PRKCB: variants seen among roughly 807,000 people sequenced by gnomAD.
The protein encoded by PRKCB is protein kinase C beta type.
Under a neutral mutation model 81.5 loss-of-function variants are expected in PRKCB, and 13 were observed. The observed-to-expected ratio is 0.16, with a 90% CI of 0.10 to 0.25. The LOEUF (loss-of-function observed/expected upper bound fraction) is 0.25, where lower values mean the gene tolerates loss of function less well. PRKCB is among the 10% of genes least tolerant of loss of function. The pLI is 1.00. For missense variants in PRKCB, 509 were observed against 875.7 expected, an observed-to-expected ratio of 0.58 and a Z score of 5.29; for synonymous variants, 335 against 321.4, an observed-to-expected ratio of 1.04 and a Z score of -0.45.
At chr16:24,035,872 CTCTTTTT>C (rs1197218153) in intron 5 of PRKCB, among the ~76,000 whole-genome samples, 3 of 152,204 alleles carry the variant, frequency 2.0e-5, no homozygotes, top group Non-Finnish European at 4.4e-5. Flanking sequence ...TCATTTCCCA[CTCTTTTT>C]TAGTAATCTT....
chr16:23,925,278 C>T (rs1039864022), intron 2 of PRKCB, among the ~76,000 whole-genome samples: 3 of 152,038 alleles, frequency 2.0e-5, no homozygotes, highest in Non-Finnish European at 4.4e-5. Flanking sequence ...CAATGGGGTC[C>T]CCATCCTCTG....
chr16:24,078,031 T>C (rs1966202808), intron 5 of PRKCB, among the ~76,000 whole-genome samples: 1 of 152,246 alleles, frequency 6.6e-6, no homozygotes, highest in South Asian at 2.1e-4. Flanking sequence ...CTTAACGTTC[T>C]CACTGAGCAG....
intron 16 of PRKCB, among the ~76,000 whole-genome samples, chr16:24,195,708 G>T (rs116094088): frequency 1.0e-3 from 157 of 152,280 alleles, no homozygotes; most frequent in African/African-American, 3.8e-3. Context: ...TCGCCTGGTT[G>T]TGTGTTGCTT....
chr16:24,150,256 G>A (rs572703915), intron 9 of PRKCB, among the ~76,000 whole-genome samples: 2 of 152,238 alleles, frequency 1.3e-5, no homozygotes, highest in East Asian at 3.9e-4. Flanking sequence ...GCTTGAACTC[G>A]GGAGGAGGTG....
chr16:24,067,707 C>T (rs1294162270), intron 5 of PRKCB, among the ~76,000 whole-genome samples: 2 of 152,064 alleles, frequency 1.3e-5, no homozygotes, highest in African/African-American at 4.8e-5. Context: ...TGGCTCATGC[C>T]TGTAATCTCA....
intron 2 of PRKCB, among the ~76,000 whole-genome samples, chr16:23,849,396 G>C (rs1171533346): frequency 6.6e-6 from 1 of 152,142 alleles, no homozygotes; most frequent in Non-Finnish European, 1.5e-5. Flanking sequence ...GATTTTTGTG[G>C]GATGGCCCTA....
intron 2 of PRKCB, among the ~76,000 whole-genome samples, chr16:23,900,718 G>GTTTTTTTTTTTTTTTTTTTTTTTTT (rs56897816): frequency 1.6e-5 from 1 of 62,266 alleles, no homozygotes; most frequent in African/African-American, 7.0e-5. Flanking sequence ...AGCTGCACAG[G>GTTTTTTTTTTTTTTTTTTTTTTTTT]TTTTTTTTTT....
intron 5 of PRKCB, among the ~76,000 whole-genome samples, chr16:24,037,145 C>T (rs1229826908): frequency 3.3e-5 from 5 of 152,092 alleles, no homozygotes; most frequent in Admixed American, 2.0e-4. Flanking sequence ...CCCACCACCA[C>T]GCCTGGCTAA....
At chr16:24,146,103 C>G (rs1966985029) in intron 9 of PRKCB, among the ~76,000 whole-genome samples, 1 of 152,060 alleles carries the variant, frequency 6.6e-6, no homozygotes, top group Non-Finnish European at 1.5e-5. Flanking sequence ...CGCTTAAAAG[C>G]CAGGGAGTGC....
intron 5 of PRKCB, among the ~76,000 whole-genome samples, chr16:24,080,202 G>A (rs187405079): frequency 8.0e-4 from 122 of 152,306 alleles, no homozygotes; most frequent in African/African-American, 2.7e-3. Flanking sequence ...TGAGTGGCCA[G>A]GGAGCAATCA....
chr16:23,870,107 G>A (rs7405331), intron 2 of PRKCB, among the ~76,000 whole-genome samples: 64,003 of 151,836 alleles, frequency 0.42, 13,812 homozygotes, highest in South Asian at 0.64. Context: ...TTGAAATATC[G>A]TCTCTCTATG....
intron 9 of PRKCB, among the ~76,000 whole-genome samples, chr16:24,129,533 A>ATCTC (rs1468710820): frequency 6.6e-6 from 1 of 151,844 alleles, no homozygotes; most frequent in African/African-American, 2.4e-5. Context: ...CTATCTATCT[A>ATCTC]TCTATCTATC....
At chr16:23,933,931 C>CCATT (rs1964019806) in intron 2 of PRKCB, among the ~76,000 whole-genome samples, 4 of 1,096 alleles carry the variant, frequency 3.6e-3, no homozygotes, top group African/African-American at 0.014. Flanking sequence ...TTCCATTCAT[C>CCATT]CATCCATCCA....
chr16:24,153,946 A>G (rs979526289), intron 9 of PRKCB, among the ~76,000 whole-genome samples: 7 of 152,218 alleles, frequency 4.6e-5, no homozygotes, highest in African/African-American at 1.7e-4. Context: ...AAGTGCCCTA[A>G]TTTTAGTTTT....
chr16:24,110,886 A>T (rs1045468897), intron 7 of PRKCB, among the ~76,000 whole-genome samples: 2 of 152,186 alleles, frequency 1.3e-5, no homozygotes, highest in African/African-American at 4.8e-5. Flanking sequence ...AACAAGTGAT[A>T]TTGAATTTCC....
At chr16:24,120,951 C>A (rs777419284) in intron 8 of PRKCB, among the ~76,000 whole-genome samples, 1 of 152,148 alleles carries the variant, frequency 6.6e-6, no homozygotes, top group Non-Finnish European at 1.5e-5. Context: ...ACTCAGCCCA[C>A]GTGCTGGGGG....
chr16:23,864,505 C>T (rs1022433843), intron 2 of PRKCB, among the ~76,000 whole-genome samples: 12 of 152,140 alleles, frequency 7.9e-5, no homozygotes, highest in African/African-American at 2.9e-4. Flanking sequence ...CTCATGTAAC[C>T]TACAGATAAT....
In PRKCB at chr16:24,216,172, C is replaced by T. The variant is rs1429081515; in HGVS notation, c.*1356C>T. ...GGAGGGGCGGGGGCTGTGGCCCATT[C>T]AGGGGCTGCTGGTGGGCTGTAGTGG... On this transcript the variant is annotated 3_prime_UTR_variant, in exon 17 of 17. Coordinates refer to ENST00000643927, the MANE Select transcript of PRKCB (RefSeq NM_002738.7). 1 of 985,352 alleles carries T rather than the reference C, an allele frequency of 1.0e-6. No individual in the cohort carries two copies. The highest frequency in any genetic ancestry group is 6.2e-5 in the Admixed American group (1 of 16,256). The allele number at this position is 985,352 out of a possible 1,614,324, so 61.0% of individuals were successfully genotyped here.
At chr16:23,921,912 G>A (rs10221006) in intron 2 of PRKCB, among the ~76,000 whole-genome samples, 61,996 of 151,976 alleles carry the variant, frequency 0.41, 13,008 homozygotes, top group South Asian at 0.58. Context: ...CAAGAAGAAG[G>A]CATTTGAGTT....
Sources: allele counts gnomAD v4.1 joint callset (sites outside exome capture counted in the v4.1 genomes callset), GRCh38; gene constraint gnomAD v4.1.1; transcripts MANE v1.5; gene names NCBI Gene and HGNC (gene_info 2026-07-23, HGNC 2026-07-21).